The following FARS2 variants were observed in gnomAD, a reference collection of about 807,000 sequenced individuals.
FARS2 encodes the protein phenylalanine--tRNA ligase, mitochondrial.
In FARS2, 40 loss-of-function variants were observed where a neutral mutation model predicts 46.4. That is an observed-to-expected ratio of 0.86 (90% CI 0.67 to 1.12). FARS2 has a LOEUF of 1.12. Among genes scored for constraint, FARS2 ranks in the 50% most tolerant of loss-of-function variants. The pLI, the probability that FARS2 is intolerant of heterozygous loss-of-function variation, is 0.00. For synonymous variants in FARS2, 234 were observed against 214.9 expected, an observed-to-expected ratio of 1.09 and a Z score of -0.78; for missense variants, 513 against 567.9, an observed-to-expected ratio of 0.90 and a Z score of 0.98.
chr6:5,332,777 G>A (rs1770885232), intron 1 of FARS2, among the ~76,000 whole-genome samples: 1 of 152,188 alleles, frequency 6.6e-6, no homozygotes, highest in Non-Finnish European at 1.5e-5. Flanking sequence ...TGCCCAGGGG[G>A]TTAGTGATGA....
chr6:5,744,315 A>T (rs1194906375), intron 6 of FARS2, among the ~76,000 whole-genome samples: 2 of 152,200 alleles, frequency 1.3e-5, no homozygotes, highest in Non-Finnish European at 2.9e-5. Context: ...ATTCAGTCCA[A>T]CACAGTTCTG....
chr6:5,404,765 A>C, intron 3 of FARS2, 64 bp downstream of exon 3: 1 of 687,812 alleles, frequency 1.5e-6, no homozygotes, highest in South Asian at 3.8e-5. Context: ...AGTGTTTTGG[A>C]TTTGGGTTTT....
At chr6:5,323,485 T>C (rs903241470) in intron 1 of FARS2, among the ~76,000 whole-genome samples, 4 of 152,240 alleles carry the variant, frequency 2.6e-5, no homozygotes, top group East Asian at 3.8e-4. Flanking sequence ...CTCCTACTGC[T>C]TTCCTTGTAC....
chr6:5,451,806 T>C (rs1582143248), intron 4 of FARS2: 1 of 152,226 alleles, frequency 6.6e-6, no homozygotes, highest in African/African-American at 2.4e-5. Context: ...TTAGTGTCTG[T>C]TGTGATTGGT....
intron 3 of FARS2, among the ~76,000 whole-genome samples, chr6:5,414,777 A>G (rs555539976): frequency 2.0e-5 from 3 of 149,396 alleles, no homozygotes; most frequent in South Asian, 2.1e-4. Flanking sequence ...GTAAATAGCT[A>G]CAAATGGAAT....
Position 5,616,024 on chromosome 6 carries a change from A to C in FARS2, c.1217+2704A>C, listed in dbSNP as rs1182804342. On this transcript the variant is annotated intron_variant, in intron 6 of 6. Transcript: ENST00000274680. ...CCCATAGCTCTTAAAAAAAAAAAAAAAAAAAAAAAAACAACGAAACAAACA... is the reference window on the plus strand; with the variant it reads ...CCCATAGCTCTTAAAAAAAAAAAAACAAAAAAAAAAACAACGAAACAAACA... Among the ~76,000 whole-genome samples the C allele has an allele frequency of 2.0e-5, 3 of 151,092 alleles. No individual in the cohort carries two copies. The East Asian group carries it at 5.8e-4, about 29-fold the overall frequency.
At chr6:5,336,980 A>G (rs546376347) in intron 1 of FARS2, among the ~76,000 whole-genome samples, 1 of 152,092 alleles carries the variant, frequency 6.6e-6, no homozygotes, top group African/African-American at 2.4e-5. Flanking sequence ...AAGAATTACC[A>G]GTATTTTTTA....
At chr6:5,404,035 T>G (rs889656867) in intron 2 of FARS2, among the ~76,000 whole-genome samples, 1 of 152,248 alleles carries the variant, frequency 6.6e-6, no homozygotes, top group African/African-American at 2.4e-5. Context: ...GCTTAGCTAC[T>G]GTATCACTTG....
intron 1 of FARS2, among the ~76,000 whole-genome samples, chr6:5,278,372 T>G (rs1766486133): frequency 6.6e-6 from 1 of 152,322 alleles, no homozygotes. Context: ...TGGGGTCTAA[T>G]AGGAACGCTG....
intron 2 of FARS2, among the ~76,000 whole-genome samples, chr6:5,379,522 C>T (rs1196172602): frequency 6.6e-6 from 1 of 152,080 alleles, no homozygotes; most frequent in Non-Finnish European, 1.5e-5. Flanking sequence ...AAGACGGGGA[C>T]CCAGAGAAGA....
At chr6:5,559,157 C>A (rs1359290470) in intron 5 of FARS2, among the ~76,000 whole-genome samples, 1 of 152,104 alleles carries the variant, frequency 6.6e-6, no homozygotes. Context: ...AATCCCAGCA[C>A]TTTGGGAGGC....
intron 4 of FARS2, among the ~76,000 whole-genome samples, chr6:5,509,574 C>T (rs926058925): frequency 6.6e-6 from 1 of 152,060 alleles, no homozygotes; most frequent in Non-Finnish European, 1.5e-5. Context: ...AAGGGTAAGG[C>T]GAGAGGTCCC....
At chr6:5,593,299 C>G (rs1269091968) in intron 5 of FARS2, among the ~76,000 whole-genome samples, 4 of 146,734 alleles carry the variant, frequency 2.7e-5, no homozygotes, top group East Asian at 3.9e-4. Context: ...ACCTCCCGCC[C>G]CCACCGGCCT....
At chr6:5,662,915 T>C (rs1448521004) in intron 6 of FARS2, among the ~76,000 whole-genome samples, 4 of 152,192 alleles carry the variant, frequency 2.6e-5, no homozygotes, top group African/African-American at 9.7e-5. Flanking sequence ...ATTAAATTAG[T>C]TTGCATAAAG....
intron 1 of FARS2, among the ~76,000 whole-genome samples, chr6:5,358,087 CAGG>C (rs1033966025): frequency 6.6e-6 from 1 of 152,104 alleles, no homozygotes; most frequent in African/African-American, 2.4e-5. Context: ...TTAGAATATT[CAGG>C]AGAACAGGAT....
At chr6:5,547,361 G>A (rs914252007) in intron 5 of FARS2, among the ~76,000 whole-genome samples, 8 of 151,342 alleles carry the variant, frequency 5.3e-5, no homozygotes, top group Non-Finnish European at 1.2e-4. Context: ...CATATTTCCT[G>A]CTGCTTCACT....
intron 1 of FARS2, among the ~76,000 whole-genome samples, chr6:5,349,121 T>C (rs991163071): frequency 3.9e-5 from 6 of 152,172 alleles, no homozygotes; most frequent in Non-Finnish European, 7.4e-5. Flanking sequence ...AACTAATAAG[T>C]GAGTTCTGCA....
intron 5 of FARS2, among the ~76,000 whole-genome samples, chr6:5,605,094 C>T (rs2150647292): frequency 6.6e-6 from 1 of 152,278 alleles, no homozygotes; most frequent in Non-Finnish European, 1.5e-5. Context: ...GCTCCAAACA[C>T]ACAGCAGTGA....
chr6:5,532,238 C>T (rs1433074420), intron 4 of FARS2, among the ~76,000 whole-genome samples: 1 of 152,196 alleles, frequency 6.6e-6, no homozygotes, highest in Non-Finnish European at 1.5e-5. Flanking sequence ...CATAGCCGTC[C>T]TCAGTTAATG....
Sources: allele counts gnomAD v4.1 joint callset (sites outside exome capture counted in the v4.1 genomes callset), GRCh38; gene constraint gnomAD v4.1.1; transcripts MANE v1.5; gene names NCBI Gene and HGNC (gene_info 2026-07-23, HGNC 2026-07-21).